The following MACF1 variants were observed in gnomAD, a reference collection of about 807,000 sequenced individuals.
The protein encoded by MACF1 is microtubule actin crosslinking factor 1, also known as microtubule-actin cross-linking factor 1.
MACF1 carries 193 observed loss-of-function variants against 854.8 expected under a neutral mutation model. That is an observed-to-expected ratio of 0.23 (90% confidence interval 0.20 to 0.25). The LOEUF is 0.25. MACF1 is among the 10% of genes least tolerant of loss of function. The pLI is 1.00. For missense variants in MACF1, 7,722 were observed against 8,929.1 expected, an observed-to-expected ratio of 0.86 and a Z score of 5.45; for synonymous variants, 3,185 against 3,226.7, an observed-to-expected ratio of 0.99 and a Z score of 0.44.
At chr1:39,243,883 G>A (rs558297107) in intron 2 of MACF1, among the ~76,000 whole-genome samples, 31 of 152,126 alleles carry the variant, frequency 2.0e-4, no homozygotes, top group South Asian at 1.9e-3. Context: ...CTCCAAATCC[G>A]ATCTCTGTGT....
intron 58 of MACF1, chr1:39,412,472 C>G (rs371977018): frequency 5.6e-6 from 9 of 1,613,930 alleles, no homozygotes; most frequent in South Asian, 1.1e-5. Flanking sequence ...GATCAAGCTC[C>G]AGCACATTTC....
At chr1:39,236,186 A>G (rs1243492246) in intron 2 of MACF1, among the ~76,000 whole-genome samples, 2 of 152,214 alleles carry the variant, frequency 1.3e-5, no homozygotes, top group African/African-American at 2.4e-5. Flanking sequence ...GCTGCTAGAA[A>G]AAGGCAGAAC....
In MACF1 at chr1:39,359,137, G is replaced by A; in HGVS notation, c.12121-4G>A. 1 of 1,613,736 alleles carries A rather than the reference G, an allele frequency of 6.2e-7. No individual in the cohort carries two copies. Among genetic ancestry groups the A allele is most frequent in the Non-Finnish European group, 8.5e-7 (1 of 1,179,906 alleles). Reference sequence around the variant, plus strand: ...TTTCTTTTGTTTTTTTCATGGACAAGCAGCAGTTGCAGGAGGAATTGGCTG... The same window carrying A: ...TTTCTTTTGTTTTTTTCATGGACAAACAGCAGTTGCAGGAGGAATTGGCTG... On this transcript the variant is annotated splice_polypyrimidine_tract_variant and splice_region_variant and intron_variant, in intron 46 of 100. Coordinates refer to ENST00000564288, the MANE Select transcript of MACF1 (RefSeq NM_001394062.1).
chr1:39,268,832 A>G, intron 6 of MACF1: 1 of 1,289,830 alleles, frequency 7.8e-7, no homozygotes, highest in Non-Finnish European at 1.0e-6. Context: ...CTCCAGAGGC[A>G]TCTCACCAGG....
intron 2 of MACF1, among the ~76,000 whole-genome samples, chr1:39,123,347 A>C (rs904678864): frequency 2.7e-5 from 4 of 149,408 alleles, no homozygotes; most frequent in African/African-American, 9.9e-5. Context: ...AGCTGTGACC[A>C]CAGGTGCATG....
chr1:39,268,227 G>A (rs956870992), intron 6 of MACF1, among the ~76,000 whole-genome samples: 2 of 151,766 alleles, frequency 1.3e-5, no homozygotes, highest in Admixed American at 6.6e-5. Context: ...CTTCCTCCAC[G>A]TTACCTTCTG....
chr1:39,239,206 G>A (rs372328387), intron 2 of MACF1, among the ~76,000 whole-genome samples: 6 of 152,250 alleles, frequency 3.9e-5, no homozygotes, highest in African/African-American at 9.6e-5. Context: ...GCTTGAACAC[G>A]GGAGATGGAG....
Position 39,250,944 on chromosome 1 carries a change from A to G in MACF1, c.261+841A>G, listed in dbSNP as rs140363945. The stretch of plus-strand genomic sequence containing the variant: ...CATAGACAACATAATTTTCATTTAG[A>G]AAAGTCCAGGGTTGAATACTGGAAA... On this transcript the variant is annotated intron_variant, in intron 3 of 100. Transcript: ENST00000564288. Among the ~76,000 whole-genome samples, 690 of 152,368 alleles carry G rather than the reference A, an allele frequency of 4.5e-3. 6 individuals are homozygous for G. Among genetic ancestry groups the G allele is most frequent in the South Asian group, 0.042 (203 of 4,834 alleles).
At chr1:39,424,455 G>T (rs1643658613) in intron 61 of MACF1, among the ~76,000 whole-genome samples, 3 of 152,128 alleles carry the variant, frequency 2.0e-5, no homozygotes, top group African/African-American at 7.2e-5. Flanking sequence ...TATAATCATA[G>T]TTCCAAATGA....
upstream of MACF1, among the ~76,000 whole-genome samples, chr1:39,201,252 A>C (rs2148261675): frequency 6.6e-6 from 1 of 152,216 alleles, no homozygotes; most frequent in South Asian, 2.1e-4. Context: ...TCTACCCATC[A>C]TTTTGTAGCC....
intron 2 of MACF1, among the ~76,000 whole-genome samples, chr1:39,159,411 C>T (rs2148206315): frequency 6.6e-6 from 1 of 152,290 alleles, no homozygotes; most frequent in African/African-American, 2.4e-5. Context: ...TTTCCAGTTG[C>T]TTGTGTCTAC....
intron 26 of MACF1, among the ~76,000 whole-genome samples, chr1:39,311,740 G>A (rs1213292264): frequency 6.6e-6 from 1 of 152,178 alleles, no homozygotes; most frequent in Non-Finnish European, 1.5e-5. Flanking sequence ...GAAATGTCAT[G>A]AATAGTAACT....
At position 39,327,255 on chromosome 1, in the gene MACF1, T is replaced by C. The variant is rs764640584; in HGVS notation, c.4516T>C (p.Leu1506=). 1.9e-6 allele frequency: 3 copies of C among 1,596,918 alleles called. No homozygotes were observed. Among genetic ancestry groups the C allele is most frequent in the East Asian group, 2.2e-5 (1 of 44,588 alleles). ...EKEKKQISEQ[L]NALNKAYHDL... is the part of the protein sequence containing the mutation. The stretch of plus-strand genomic sequence containing the variant: ...AGAGAAGAAACAAATATCTGAGCAA[T>C]TGAATGCCCTAAACAAGGCTTACCA... Residue 1506 remains leucine, a synonymous_variant, in exon 36 of 101, where the codon TTG becomes CTG. Coordinates refer to ENST00000564288, the MANE Select transcript of MACF1 (RefSeq NM_001394062.1).
intron 21 of MACF1, 70 bp downstream of exon 21, chr1:39,297,815 A>T: frequency 6.4e-7 from 1 of 1,570,294 alleles, no homozygotes; most frequent in South Asian, 1.1e-5. Context: ...GCTGCTGTTT[A>T]TATCCTTGAA....
chr1:39,125,839 A>G (rs2148164192), intron 2 of MACF1, among the ~76,000 whole-genome samples: 1 of 152,172 alleles, frequency 6.6e-6, no homozygotes, highest in East Asian at 1.9e-4. Context: ...CTAAAAATAC[A>G]AAAATTAGCT....
chr1:39,161,231 T>C (rs1213582277), intron 2 of MACF1, among the ~76,000 whole-genome samples: 1 of 152,274 alleles, frequency 6.6e-6, no homozygotes, highest in Admixed American at 6.5e-5. Flanking sequence ...GGCTGAACTA[T>C]TGGCCCGAGT....
rs76099761 is a variant in MACF1, at chr1:39,109,602, CT to C, written c.220+25176del. ...TTTTATTTTTTAACTCTTTTCTCTC[CT>C]TTTTTTTTTTTCTATCTCCTACCAG... On this transcript the variant is annotated intron_variant, in intron 2 of 93. Coordinates refer to the MACF1 transcript ENST00000361689. 4.8e-3 allele frequency among the ~76,000 whole-genome samples: 695 copies of C among 146,104 alleles called. 3 individuals carry two copies. The highest frequency in any genetic ancestry group is 0.013 in the African/African-American group (531 of 40,256).
intron 47 of MACF1, among the ~76,000 whole-genome samples, chr1:39,360,012 A>AAAAAAATATAT (rs1557608845): frequency 3.5e-5 from 1 of 28,832 alleles, no homozygotes; most frequent in Non-Finnish European, 6.4e-5. Context: ...AAAAAAAAAA[A>AAAAAAATATAT]ATATATATAT....
intron 49 of MACF1, among the ~76,000 whole-genome samples, chr1:39,364,714 G>A (rs1165346599): frequency 6.6e-6 from 1 of 151,818 alleles, no homozygotes; most frequent in Non-Finnish European, 1.5e-5. Context: ...GGATGGTCTC[G>A]ATCTCCTGAC....
Sources: gnomAD v4.1 joint callset for allele counts (sites outside exome capture counted in the v4.1 genomes callset) on GRCh38, gnomAD v4.1.1 for gene constraint, MANE v1.5 for transcripts, NCBI Gene and HGNC (gene_info 2026-07-23, HGNC 2026-07-21) for gene names.